The following CCDC150 variants were observed in gnomAD, a reference collection of about 807,000 sequenced individuals.
The protein encoded by CCDC150 is coiled-coil domain-containing protein 150.
In CCDC150, 151 loss-of-function variants were observed where a neutral mutation model predicts 156.5. The observed-to-expected ratio is 0.97, with a 90% confidence interval of 0.85 to 1.10. The LOEUF is 1.10. CCDC150 is among the 50% of genes least tolerant of loss of function. The pLI, the probability that CCDC150 is intolerant of heterozygous loss-of-function variation, is 0.00. For missense variants in CCDC150, 1,312 were observed against 1,268.1 expected (o/e 1.03, Z -0.53); for synonymous variants, 452 against 429.4 (o/e 1.05, Z -0.65).
intron 1 of CCDC150, among the ~76,000 whole-genome samples, chr2:196,640,987 A>G (rs56043511): frequency 6.8e-6 from 1 of 146,366 alleles, no homozygotes; most frequent in Admixed American, 6.9e-5. Context: ...TGTTTTTTTG[A>G]AACGGAGTCT....
rs764698955 is a variant in CCDC150, at chr2:196,656,773, G to T, written c.317G>T (p.Arg106Leu). The change falls in exon 3 of 28, where the codon CGT (arginine) becomes CTT (leucine). Residue 106 changes from arginine to leucine, a missense_variant. Transcript: ENST00000389175. ...NCEFLVNRMC[R>L]LESLMQSLKM... ...GAGTTTCTGGTAAATCGAATGTGCC[G>T]TCTTGAAAGCCTCATGCAGTCCTTG... 15 of 1,613,858 alleles carry T rather than the reference G, an allele frequency of 9.3e-6. No individual in the cohort carries two copies. The highest frequency in any genetic ancestry group is 7.7e-5 in the South Asian group (7 of 91,084).
chr2:196,675,215 A>G (rs537137337), intron 10 of CCDC150, among the ~76,000 whole-genome samples: 4 of 152,268 alleles, frequency 2.6e-5, no homozygotes, highest in Non-Finnish European at 5.9e-5. Flanking sequence ...AGTGCTAAGC[A>G]TGCTTTGCAC....
At position 196,676,150 on chromosome 2, in the gene CCDC150, A is replaced by C. The variant is rs1195113558; in HGVS notation, c.1145A>C (p.Gln382Pro). The C allele has an allele frequency of 1.2e-6, 2 of 1,613,558 alleles. No homozygotes were observed. Among genetic ancestry groups the C allele is most frequent in the Non-Finnish European group, 8.5e-7 (1 of 1,179,658 alleles). Residue 382 changes from glutamine to proline, a missense_variant, in exon 11 of 28, where the codon CAG becomes CCG. Transcript: ENST00000389175. The part of the protein sequence containing the change: ...ADHQAILQVE[Q>P]KMMTQTFQEQ... Reference sequence around the variant, plus strand: ...ATTGCTTTTAACACTCAGGTAGAGCAGAAAATGATGACGCAGACATTTCAA... The same window carrying C: ...ATTGCTTTTAACACTCAGGTAGAGCCGAAAATGATGACGCAGACATTTCAA...
intron 9 of CCDC150, among the ~76,000 whole-genome samples, chr2:196,673,728 CAT>C (rs1439391955): frequency 2.0e-5 from 3 of 152,146 alleles, no homozygotes; most frequent in African/African-American, 7.2e-5. Flanking sequence ...TAACTACCTA[CAT>C]ATATGATATA....
intron 13 of CCDC150, among the ~76,000 whole-genome samples, chr2:196,690,234 G>A (rs1402862803): frequency 1.3e-5 from 2 of 151,880 alleles, no homozygotes; most frequent in South Asian, 2.1e-4. Flanking sequence ...GTGGGGAGGC[G>A]GGAGGGAGGA....
intron 22 of CCDC150, chr2:196,728,048 A>G (rs938089932): frequency 6.6e-6 from 1 of 152,064 alleles, no homozygotes; most frequent in African/African-American, 2.4e-5. Flanking sequence ...TACTTACAAA[A>G]TGAAATCATT....
At chr2:196,693,800 G>GAAAATGAAAAATGAA (rs1374619424) in intron 13 of CCDC150, among the ~76,000 whole-genome samples, 2 of 152,028 alleles carry the variant, frequency 1.3e-5, no homozygotes, top group Non-Finnish European at 2.9e-5. Flanking sequence ...TAATCAACTA[G>GAAAATGAAAAATGAA]AGGTGGTTCC....
chr2:196,694,824 TGC>T (rs1464775887), intron 13 of CCDC150, among the ~76,000 whole-genome samples: 1 of 152,108 alleles, frequency 6.6e-6, no homozygotes, highest in African/African-American at 2.4e-5. Context: ...ATCACACAAC[TGC>T]ACTCCAGCCT....
intron 13 of CCDC150, among the ~76,000 whole-genome samples, chr2:196,688,729 G>A (rs1211705158): frequency 2.0e-5 from 3 of 151,994 alleles, no homozygotes; most frequent in Non-Finnish European, 4.4e-5. Flanking sequence ...CTTTTGATGT[G>A]CAGAAGCTCT....
At chr2:196,664,891 A>G (rs1024788998) in intron 5 of CCDC150, among the ~76,000 whole-genome samples, 2 of 152,174 alleles carry the variant, frequency 1.3e-5, no homozygotes, top group Non-Finnish European at 2.9e-5. Context: ...ATTTCTTATT[A>G]TATCACAATA....
intron 14 of CCDC150, among the ~76,000 whole-genome samples, chr2:196,699,551 G>T (rs921759505): frequency 1.3e-5 from 2 of 149,050 alleles, no homozygotes; most frequent in African/African-American, 4.9e-5. Flanking sequence ...TGGGGGTCTT[G>T]CTCTGTCTTC....
intron 15 of CCDC150, among the ~76,000 whole-genome samples, chr2:196,709,440 G>A (rs1468056460): frequency 2.6e-5 from 4 of 152,076 alleles, no homozygotes; most frequent in Non-Finnish European, 1.5e-5. Context: ...TCCTTGCAAT[G>A]GGTTCGAACA....
intron 13 of CCDC150, among the ~76,000 whole-genome samples, chr2:196,692,499 T>C (rs1695551137): frequency 6.6e-6 from 1 of 152,234 alleles, no homozygotes; most frequent in Admixed American, 6.5e-5. Context: ...GCCTTAGCAG[T>C]GTCCCAGAGA....
intron 7 of CCDC150, among the ~76,000 whole-genome samples, chr2:196,668,295 T>TAA (rs55945331): frequency 8.9e-4 from 82 of 92,166 alleles, no homozygotes; most frequent in South Asian, 6.2e-3. Flanking sequence ...AAACTCCATC[T>TAA]AAAAAAAAAA....
intron 27 of CCDC150, 90 bp from the exon 28 acceptor site, chr2:196,732,356 G>A (rs1215099820): frequency 4.5e-6 from 5 of 1,122,124 alleles, no homozygotes; most frequent in Non-Finnish European, 5.3e-6. Flanking sequence ...TTGTCTTCAT[G>A]AATAGATGAC....
At chr2:196,662,766 A>G (rs1215717979) in intron 5 of CCDC150, among the ~76,000 whole-genome samples, 1 of 149,178 alleles carries the variant, frequency 6.7e-6, no homozygotes, top group Non-Finnish European at 1.5e-5. Flanking sequence ...CCATTTCTGG[A>G]AAAAAAAAGA....
chr2:196,677,045 A>C, intron 12 of CCDC150: 1 of 683,056 alleles, frequency 1.5e-6, no homozygotes, highest in South Asian at 1.5e-5. Context: ...TTAAGGGGGA[A>C]CAGCCCTGTC....
intron 15 of CCDC150, among the ~76,000 whole-genome samples, chr2:196,701,761 T>G (rs965162119): frequency 6.6e-6 from 1 of 152,168 alleles, no homozygotes; most frequent in Non-Finnish European, 1.5e-5. Context: ...GCCATTTACT[T>G]TGAAATGCAG....
chr2:196,658,661 G>T, intron 4 of CCDC150, 131 bp from the exon 5 acceptor site: 1 of 602,356 alleles, frequency 1.7e-6, no homozygotes, highest in Non-Finnish European at 2.9e-6. Context: ...ATAACAAGGA[G>T]TATTTATAAC....
Sources: allele counts gnomAD v4.1 joint callset (sites outside exome capture counted in the v4.1 genomes callset), GRCh38; gene constraint gnomAD v4.1.1; transcripts MANE v1.5; gene names NCBI Gene and HGNC (gene_info 2026-07-23, HGNC 2026-07-21).